ZNF486: variants seen among roughly 807,000 people sequenced by gnomAD.
ZNF486 encodes the protein zinc finger protein 486.
A neutral mutation model predicts 12.8 loss-of-function variants in ZNF486; 12 were observed. That is an observed-to-expected ratio of 0.94 (90% CI 0.60 to 1.52). ZNF486 has a LOEUF of 1.52. Ranked by LOEUF, ZNF486 falls within the 40% of genes most tolerant of loss-of-function variation. The pLI, the probability that ZNF486 is intolerant of heterozygous loss-of-function variation, is 0.00. For synonymous variants in ZNF486, 231 were observed against 184.9 expected (o/e 1.25, Z -2.02); for missense variants, 738 against 545.0 (o/e 1.35, Z -3.53).
chr19:20,179,203 A>T (rs2089757423), intron 1 of ZNF486, among the ~76,000 whole-genome samples: 1 of 152,318 alleles, frequency 6.6e-6, no homozygotes, highest in Middle Eastern at 3.4e-3. Context: ...AGTGACTATA[A>T]ATTAAACTAA....
chr19:20,193,239 A>G (rs986292482), intron 3 of ZNF486, among the ~76,000 whole-genome samples: 9 of 151,720 alleles, frequency 5.9e-5, no homozygotes, highest in Non-Finnish European at 1.3e-4. Context: ...ATTAACATTT[A>G]TGCAGATTTA....
intron 3 of ZNF486, among the ~76,000 whole-genome samples, chr19:20,192,197 A>T (rs781836736): frequency 6.6e-6 from 1 of 152,030 alleles, no homozygotes; most frequent in Non-Finnish European, 1.5e-5. Context: ...TCCTTCTGTT[A>T]CTTTCAGCCT....
intron 3 of ZNF486, among the ~76,000 whole-genome samples, chr19:20,186,684 A>G (rs771809984): frequency 6.6e-6 from 1 of 151,996 alleles, no homozygotes; most frequent in African/African-American, 2.4e-5. Context: ...TGAAAAAAAT[A>G]CCACTGCAAT....
In ZNF486 at chr19:20,178,073, G is replaced by A. The variant is rs1223713650; in HGVS notation, c.31-6283G>A. ...TGAGTAGCTGGGATTACAGGTGCCT[G>A]CCACCAGGCCCGGCTAATTTTTTTT... On this transcript the variant is annotated intron_variant, in intron 1 of 3. Transcript: ENST00000335117. Among the ~76,000 whole-genome samples the A allele has an allele frequency of 2.7e-5, 4 of 148,720 alleles. 1 individual carries two copies. Among genetic ancestry groups the A allele is most frequent in the Non-Finnish European group, 4.4e-5 (3 of 67,512 alleles).
At position 20,198,145 on chromosome 19, in the gene ZNF486, C is replaced by A. The variant is rs112134607; in HGVS notation, c.*43C>A. The A allele has an allele frequency of 6.7e-7, 1 of 1,488,540 alleles. No homozygotes were observed. Among genetic ancestry groups the A allele is most frequent in the Non-Finnish European group, 9.0e-7 (1 of 1,115,584 alleles). 92.2% of individuals were successfully genotyped at this position (1,488,540 alleles called of 1,614,324 possible). A position where few individuals can be genotyped will look rare whatever the true frequency, so the allele number is the denominator to read the frequency against. On this transcript the variant is annotated 3_prime_UTR_variant, in exon 4 of 4. Transcript: ENST00000335117. ...ATTATTATTTTTTTGAGAGGTAATTCTGCTGTTGTTTCCCAGGCTGGAGTG... is the reference window on the plus strand; with the variant it reads ...ATTATTATTTTTTTGAGAGGTAATTATGCTGTTGTTTCCCAGGCTGGAGTG...
intron 3 of ZNF486, among the ~76,000 whole-genome samples, chr19:20,192,660 ATTCACTGATGCCAGAAC>A (rs1364149086): frequency 6.6e-6 from 1 of 152,176 alleles, no homozygotes; most frequent in Non-Finnish European, 1.5e-5. Flanking sequence ...GATTTGCATG[ATTCACTGATGCCAGAAC>A]CTCCAAAACT....
intron 1 of ZNF486, among the ~76,000 whole-genome samples, chr19:20,183,237 A>G (rs1555715840): frequency 6.6e-6 from 1 of 152,182 alleles, no homozygotes; most frequent in Admixed American, 6.5e-5. Flanking sequence ...GATACTCAAG[A>G]TTTCTGTTGG....
At chr19:20,172,524 C>A (rs1555714028) in intron 1 of ZNF486, among the ~76,000 whole-genome samples, 7 of 152,016 alleles carry the variant, frequency 4.6e-5, no homozygotes. Context: ...GTTTTGAACT[C>A]CTGTCCTCAA....
chr19:20,183,568 C>T (rs1441741330), intron 1 of ZNF486, among the ~76,000 whole-genome samples: 3 of 152,048 alleles, frequency 2.0e-5, no homozygotes, highest in African/African-American at 7.3e-5. Flanking sequence ...AACAGTGATG[C>T]TGTGTTCTTC....
rs375287144 is a variant in ZNF486, at chr19:20,197,933, G to C, written c.1223G>C (p.Cys408Ser). Reference sequence around the variant, plus strand: ...CATACTGGAGAGAAACCCTACAAATGTGAAGAATGTGGCAAAGCGTATACT... The same window carrying C: ...CATACTGGAGAGAAACCCTACAAATCTGAAGAATGTGGCAAAGCGTATACT... ...RTHTGEKPYK[C>S]EECGKAYTTS... The change falls in exon 4 of 4, where the codon TGT (cysteine) becomes TCT (serine). Residue 408 changes from cysteine to serine, a missense_variant. Transcript: ENST00000335117. 10 of 1,613,686 alleles carry C rather than the reference G, an allele frequency of 6.2e-6. No homozygotes were observed. The African/African-American group carries it at 1.3e-4, about 22-fold the overall frequency.
intron 1 of ZNF486, among the ~76,000 whole-genome samples, chr19:20,173,270 C>T (rs149745053): frequency 3.8e-4 from 58 of 152,222 alleles, no homozygotes; most frequent in African/African-American, 1.3e-3. Context: ...CAGCTTTAGT[C>T]TTCTAAAAAA....
Position 20,200,233 on chromosome 19 carries a change from ATAGT to A in ZNF486, c.*2133_*2136del, listed in dbSNP as rs2090000490. 6.6e-6 allele frequency: 1 copy of A among 152,098 alleles called. No individual in the cohort carries two copies. Among genetic ancestry groups the A allele is most frequent in the Non-Finnish European group, 1.5e-5 (1 of 68,024 alleles). 9.4% of individuals were successfully genotyped at this position (152,098 alleles called of 1,614,324 possible). On this transcript the variant is annotated 3_prime_UTR_variant, in exon 4 of 4. Transcript: ENST00000335117. ...TTTTGCTGCATCAGAGATATTAGAGATAGTTTTTTATTAATTGGGCATTTATGAC... is the reference window on the plus strand; with the variant it reads ...TTTTGCTGCATCAGAGATATTAGAGATTTTTATTAATTGGGCATTTATGAC...
chr19:20,172,607 T>G (rs1331665374), intron 1 of ZNF486, among the ~76,000 whole-genome samples: 1 of 151,440 alleles, frequency 6.6e-6, no homozygotes, highest in Non-Finnish European at 1.5e-5. Context: ...CCTGCCTACT[T>G]TTTAATGAGG....
rs1258658008 is a variant in ZNF486 at position 20,184,447 on chromosome 19, T to C, written c.122T>C (p.Val41Ala). The change falls in exon 2 of 4, where the codon GTG (valine) becomes GCG (alanine). Residue 41 changes from valine to alanine, a missense_variant. Physicochemically the swap from Val to Ala is moderately conservative, Grantham distance 64. Transcript: ENST00000335117. ...GCACAGCAGAATTTATATAGGGATG[T>C]GATGTTAGAGAACTACAGACACCTG... Reference protein sequence around the residue: ...DTAQQNLYRDVMLENYRHLVF... With the variant: ...DTAQQNLYRDAMLENYRHLVF... The C allele has an allele frequency of 6.2e-7, 1 of 1,613,490 alleles. No homozygotes were observed. The highest frequency in any genetic ancestry group is 1.3e-5 in the African/African-American group (1 of 75,026).
At chr19:20,186,975 G>A (rs111644337) in intron 3 of ZNF486, among the ~76,000 whole-genome samples, 1 of 150,790 alleles carries the variant, frequency 6.6e-6, no homozygotes, top group Non-Finnish European at 1.5e-5. Context: ...TTGTAGAGAG[G>A]GGTTTCACCA....
chr19:20,176,818 A>T (rs1288870563), intron 1 of ZNF486: 1 of 152,770 alleles, frequency 6.5e-6, no homozygotes, highest in Non-Finnish European at 1.5e-5. Flanking sequence ...GACTGTGGGG[A>T]GAGGGAGAGG....
rs1744399720 is a variant in ZNF486, at chr19:20,184,465, G to A, written c.140G>A (p.Arg47Lys). ...LYRDVMLENY[R>K]HLVFLGIIVS... is the part of the protein sequence containing the mutation. The stretch of plus-strand genomic sequence containing the variant: ...AGGGATGTGATGTTAGAGAACTACA[G>A]ACACCTGGTCTTCCTTGGTGAGGAT... The change falls in exon 2 of 4, where the codon AGA becomes AAA. Residue 47 changes from arginine to lysine, a missense_variant. Physicochemically the swap from Arg to Lys is conservative, Grantham distance 26. Coordinates refer to ENST00000335117, the MANE Select transcript of ZNF486 (RefSeq NM_052852.4). 3.1e-6 allele frequency: 5 copies of A among 1,612,022 alleles called. No homozygotes were observed. The highest frequency in any genetic ancestry group is 1.3e-5 in the African/African-American group (1 of 74,900).
chr19:20,178,437 G>C (rs1555715135), intron 1 of ZNF486, among the ~76,000 whole-genome samples: 1 of 151,864 alleles, frequency 6.6e-6, no homozygotes, highest in Non-Finnish European at 1.5e-5. Context: ...TAGAGATGGG[G>C]TTTCACTGTG....
intron 1 of ZNF486, among the ~76,000 whole-genome samples, chr19:20,183,443 TTAC>T (rs1183358989): frequency 1.3e-5 from 2 of 152,218 alleles, no homozygotes; most frequent in Non-Finnish European, 1.5e-5. Flanking sequence ...CTACTTAAAA[TTAC>T]TACTAAAAAT....
Sources: gnomAD v4.1 joint callset for allele counts (sites outside exome capture counted in the v4.1 genomes callset) on GRCh38, gnomAD v4.1.1 for gene constraint, MANE v1.5 for transcripts, NCBI Gene and HGNC (gene_info 2026-07-23, HGNC 2026-07-21) for gene names.